JDP2: variants seen among roughly 807,000 people sequenced by gnomAD.
JDP2 encodes the protein progesterone receptor co-activator.
A neutral mutation model predicts 17.1 loss-of-function variants in JDP2; 9 were observed. The observed-to-expected ratio is 0.53, with a 90% confidence interval of 0.32 to 0.92. JDP2 has a LOEUF of 0.92. Among genes scored for constraint, JDP2 ranks in the 40% least tolerant of loss-of-function variants. The pLI, the probability that JDP2 is intolerant of heterozygous loss-of-function variation, is 0.04. For synonymous variants in JDP2, 107 were observed against 95.6 expected, an observed-to-expected ratio of 1.12 and a Z score of -0.69; for missense variants, 179 against 220.0, an observed-to-expected ratio of 0.81 and a Z score of 1.18.
rs1397819479 is a variant in JDP2 at position 75,471,204 on chromosome 14, A to G, written c.*1729A>G. The G allele has an allele frequency of 2.6e-5, 4 of 152,240 alleles. No individual in the cohort carries two copies. Among genetic ancestry groups the G allele is most frequent in the Non-Finnish European group, 5.9e-5 (4 of 68,048 alleles). 9.4% of individuals were successfully genotyped at this position (152,240 alleles called of 1,614,324 possible). ...AGGTTGTCCCATGATCACAGAGTGAACCAACTACCCTGGTCAATGTGTGTC... is the reference window on the plus strand; with the variant it reads ...AGGTTGTCCCATGATCACAGAGTGAGCCAACTACCCTGGTCAATGTGTGTC... On this transcript the variant is annotated 3_prime_UTR_variant, in exon 4 of 4. Coordinates refer to ENST00000651602, the MANE Select transcript of JDP2 (RefSeq NM_001135048.2).
At chr14:75,451,763 A>G (rs1005199509) in intron 2 of JDP2, among the ~76,000 whole-genome samples, 10 of 152,196 alleles carry the variant, frequency 6.6e-5, no homozygotes, top group Non-Finnish European at 1.2e-4. Flanking sequence ...GGATGGACCA[A>G]GCAGTGTCCT....
intron 3 of JDP2, among the ~76,000 whole-genome samples, chr14:75,463,502 C>T (rs921274326): frequency 1.3e-5 from 2 of 151,928 alleles, no homozygotes; most frequent in Non-Finnish European, 2.9e-5. Context: ...TGACGTGTGC[C>T]GAGCGTTATG....
chr14:75,468,065 C>T (rs1236964605), intron 3 of JDP2, among the ~76,000 whole-genome samples: 1 of 152,112 alleles, frequency 6.6e-6, no homozygotes, highest in South Asian at 2.1e-4. Context: ...CTGGGGAGGC[C>T]GCTCCACCTG....
intron 1 of JDP2, among the ~76,000 whole-genome samples, chr14:75,437,172 CAAAAAAAA>C (rs11302124): frequency 1.0e-5 from 1 of 98,024 alleles, no homozygotes; most frequent in Non-Finnish European, 2.1e-5. Flanking sequence ...CCAGCCTGGG[CAAAAAAAA>C]AAAAAAAAAA....
At chr14:75,445,223 C>G in intron 2 of JDP2, 2 of 985,398 alleles carry the variant, frequency 2.0e-6, no homozygotes, top group Non-Finnish European at 2.4e-6. Context: ...GGCAACCTGG[C>G]CTGAGGTTGG....
chr14:75,451,700 A>G (rs1269336186), intron 2 of JDP2, among the ~76,000 whole-genome samples: 2 of 152,174 alleles, frequency 1.3e-5, no homozygotes, highest in African/African-American at 4.8e-5. Context: ...GGTCCAGGGC[A>G]TGGAAAATTC....
At chr14:75,448,735 T>C (rs537466691) in intron 2 of JDP2, among the ~76,000 whole-genome samples, 1 of 152,304 alleles carries the variant, frequency 6.6e-6, no homozygotes, top group African/African-American at 2.4e-5. Context: ...GCTGGTTCCT[T>C]CATTGTTTTA....
intron 2 of JDP2, among the ~76,000 whole-genome samples, chr14:75,447,950 T>A (rs1330287275): frequency 6.6e-6 from 1 of 152,152 alleles, no homozygotes; most frequent in African/African-American, 2.4e-5. Context: ...TGAGCCACTG[T>A]GCCCGGCTAG....
rs1884859591 is a variant in JDP2 at position 75,432,595 on chromosome 14, C to T, written c.-24+4343C>T. Among the ~76,000 whole-genome samples, 4 of 152,222 alleles carry T rather than the reference C, an allele frequency of 2.6e-5. No individual in the cohort carries two copies. In the South Asian group the frequency reaches 8.3e-4, roughly 32 times the overall value. ...ACCTCCGCATTCTCCCAGCACCAAA[C>T]CTTGAACCTTAGACCGCACCCACGT... On this transcript the variant is annotated intron_variant, in intron 1 of 3. Transcript: ENST00000651602.
chr14:75,464,734 TTCGCCTGCC>T, intron 3 of JDP2, among the ~76,000 whole-genome samples: 1 of 152,224 alleles, frequency 6.6e-6, no homozygotes, highest in South Asian at 2.1e-4. Flanking sequence ...CATCTCAGAG[TTCGCCTGCC>T]TAGACTAGCC....
At chr14:75,445,869 A>G (rs1885576588) in intron 2 of JDP2, among the ~76,000 whole-genome samples, 1 of 152,212 alleles carries the variant, frequency 6.6e-6, no homozygotes, top group Non-Finnish European at 1.5e-5. Context: ...GTAAAAAGAA[A>G]ATCCACAGAA....
chr14:75,452,423 C>T (rs917739582), intron 2 of JDP2, among the ~76,000 whole-genome samples: 13 of 152,064 alleles, frequency 8.5e-5, no homozygotes, highest in Non-Finnish European at 1.3e-4. Flanking sequence ...GCCCCAGGAC[C>T]GGAGAGGTGA....
Position 75,469,580 on chromosome 14 carries a change from A to G in JDP2, c.*105A>G. ...TGGCCCTTCCTTTGGTGCATGAAAA[A>G]CTGTACAATGAGGTTCAGCACAGCC... is the stretch of plus-strand genomic sequence containing the variant. On this transcript the variant is annotated 3_prime_UTR_variant, in exon 4 of 4. Transcript: ENST00000651602. 2 of 983,098 alleles carry G rather than the reference A, an allele frequency of 2.0e-6. No homozygotes were observed. Among genetic ancestry groups the G allele is most frequent in the Admixed American group, 2.7e-5 (1 of 37,694 alleles). The allele number at this position is 983,098 out of a possible 1,614,324, so 60.9% of individuals were successfully genotyped here. A position where few individuals can be genotyped will look rare whatever the true frequency, so the allele number is the denominator to read the frequency against.
intron 2 of JDP2, among the ~76,000 whole-genome samples, chr14:75,441,144 AGAGAGAGC>A (rs1054103190): frequency 1.3e-5 from 2 of 151,946 alleles, no homozygotes; most frequent in African/African-American, 4.8e-5. Flanking sequence ...GGAGAGAGAG[AGAGAGAGC>A]GAGAGAGCGA....
At position 75,452,297 on chromosome 14, in the gene JDP2, T is replaced by G. The variant is rs1372985510; in HGVS notation, c.202-9129T>G. ...CAGCTTGGCAGCCTCGGGCAGACAC[T>G]CCACCTCGCTGAGCCTCAGTTTTCT... On this transcript the variant is annotated intron_variant, in intron 2 of 3. Transcript: ENST00000651602. Among the ~76,000 whole-genome samples the G allele has an allele frequency of 3.9e-5, 6 of 152,320 alleles. No homozygotes were observed. In the South Asian group the frequency reaches 8.3e-4, roughly 21 times the overall value.
intron 2 of JDP2, among the ~76,000 whole-genome samples, chr14:75,448,094 T>G (rs1010758593): frequency 6.6e-6 from 1 of 152,044 alleles, no homozygotes; most frequent in Admixed American, 6.6e-5. Flanking sequence ...AACCTCTGAG[T>G]TAAAGGTTTT....
rs752383690 is a variant in JDP2 at position 75,469,308 on chromosome 14, C to T, written c.325C>T (p.Leu109Phe). 1 of 1,614,060 alleles carries T rather than the reference C, an allele frequency of 6.2e-7. No individual in the cohort carries two copies. Among genetic ancestry groups the T allele is most frequent in the Non-Finnish European group, 8.5e-7 (1 of 1,179,948 alleles). Residue 109 changes from leucine to phenylalanine, a missense_variant, in exon 4 of 4, where the codon CTC (leucine) becomes TTC (phenylalanine). Transcript: ENST00000651602. ...TATACAGGAATCCGAGCGGCTGGAA[C>T]TCATGAACGCAGAGCTGAAGACCCA... ...FLQRESERLE[L>F]MNAELKTQIE...
intron 1 of JDP2, among the ~76,000 whole-genome samples, chr14:75,436,778 A>G (rs1885083015): frequency 6.6e-6 from 1 of 152,230 alleles, no homozygotes; most frequent in African/African-American, 2.4e-5. Context: ...AAAGGGAAGG[A>G]AGAATTCCCT....
chr14:75,427,243 C>G (rs1372175653), upstream of JDP2: 1 of 152,526 alleles, frequency 6.6e-6, no homozygotes, highest in African/African-American at 2.4e-5. The surrounding 1 kb of genome is among the most constrained non-coding windows in gnomAD (Gnocchi z 4.4). Context: ...AGGAGAAGCC[C>G]GCTGGAGCAG....
Sources: allele counts gnomAD v4.1 joint callset (sites outside exome capture counted in the v4.1 genomes callset), GRCh38; gene constraint gnomAD v4.1.1; non-coding constraint Gnocchi (gnomAD v3.1); transcripts MANE v1.5; gene names NCBI Gene and HGNC (gene_info 2026-07-23, HGNC 2026-07-21).